The following CFAP161 variants were observed in gnomAD, a reference collection of about 807,000 sequenced individuals.
CFAP161 encodes cilia- and flagella-associated protein 161.
Under a neutral mutation model 29.0 loss-of-function variants are expected in CFAP161, and 25 were observed. The observed-to-expected ratio is 0.86, with a 90% confidence interval of 0.63 to 1.20. The LOEUF is 1.20. Ranked by LOEUF, CFAP161 falls within the 50% of genes most tolerant of loss-of-function variation. CFAP161 has a pLI of 0.00. For synonymous variants in CFAP161, 116 were observed against 137.4 expected, an observed-to-expected ratio of 0.84 and a Z score of 1.09; for missense variants, 367 against 371.9, an observed-to-expected ratio of 0.99 and a Z score of 0.11.
At chr15:81,139,292 G>A (rs1347496625) in intron 4 of CFAP161, among the ~76,000 whole-genome samples, 1 of 151,894 alleles carries the variant, frequency 6.6e-6, no homozygotes, top group African/African-American at 2.4e-5. Flanking sequence ...AAGAGACCCT[G>A]TGTCAAAAAA....
intron 4 of CFAP161, among the ~76,000 whole-genome samples, chr15:81,141,241 T>C (rs1289183282): frequency 6.6e-6 from 1 of 152,238 alleles, no homozygotes; most frequent in East Asian, 1.9e-4. Context: ...TTTCTTTACA[T>C]GGACTTGACA....
intron 6 of CFAP161, 136 bp from the exon 7 acceptor site, chr15:81,148,202 G>C (rs1372674591): frequency 1.1e-6 from 1 of 921,264 alleles, no homozygotes; most frequent in Non-Finnish European, 1.6e-6. Context: ...CTGCAAACAT[G>C]TCCCATTTTA....
chr15:81,117,818 C>T (rs1342757450), intron 1 of CFAP161: 3 of 329,862 alleles, frequency 9.1e-6, no homozygotes. Context: ...TCATCTTCCT[C>T]TTCATCCAAC....
At chr15:81,137,393 G>A (rs1169300312) in intron 3 of CFAP161, among the ~76,000 whole-genome samples, 2 of 152,054 alleles carry the variant, frequency 1.3e-5, no homozygotes, top group East Asian at 3.9e-4. Flanking sequence ...TCTGGAGTTC[G>A]AGACCAGCCT....
At chr15:81,135,890 G>C (rs1289581366) in intron 2 of CFAP161, among the ~76,000 whole-genome samples, 3 of 152,154 alleles carry the variant, frequency 2.0e-5, no homozygotes. Flanking sequence ...TCTAGAACTA[G>C]AAATACCATT....
chr15:81,122,692 A>G (rs982524110), intron 1 of CFAP161, among the ~76,000 whole-genome samples: 10 of 151,730 alleles, frequency 6.6e-5, no homozygotes, highest in East Asian at 3.9e-4. Context: ...GGGTTTCACT[A>G]TGTTGGCCAG....
At chr15:81,133,931 C>A (rs1595916315), upstream of CFAP161, among the ~76,000 whole-genome samples, 1 of 151,562 alleles carries the variant, frequency 6.6e-6, no homozygotes, top group East Asian at 1.9e-4. Flanking sequence ...CTGCTGATTA[C>A]AAAAAATAGG....
intron 1 of CFAP161, among the ~76,000 whole-genome samples, chr15:81,101,121 G>A (rs1392306909): frequency 1.3e-5 from 2 of 152,164 alleles, no homozygotes; most frequent in African/African-American, 4.8e-5. Context: ...TCCTGGCAAG[G>A]TTGGCAATGG....
At chr15:81,116,040 T>C (rs1894493636) in intron 1 of CFAP161, among the ~76,000 whole-genome samples, 1 of 152,156 alleles carries the variant, frequency 6.6e-6, no homozygotes, top group African/African-American at 2.4e-5. Flanking sequence ...TCTTATGTTG[T>C]AAACATAAGT....
At chr15:81,100,420 GTCTT>G (rs1894289869) in intron 1 of CFAP161, among the ~76,000 whole-genome samples, 1 of 151,790 alleles carries the variant, frequency 6.6e-6, no homozygotes, top group Non-Finnish European at 1.5e-5. Flanking sequence ...ACCTTAGAGT[GTCTT>G]TCTATTGCTT....
chr15:81,115,227 A>G (rs1487610699), intron 1 of CFAP161, among the ~76,000 whole-genome samples: 2 of 152,050 alleles, frequency 1.3e-5, no homozygotes, highest in Non-Finnish European at 2.9e-5. Context: ...TTTTTTTAGC[A>G]TTAGTGACTC....
At chr15:81,143,640 A>T (rs1485644679) in intron 4 of CFAP161, 22 bp from the exon 5 acceptor site, 1 of 1,603,712 alleles carries the variant, frequency 6.2e-7, no homozygotes, top group Non-Finnish European at 8.5e-7. Flanking sequence ...GACTTAGTGC[A>T]TCTGCTTGCT....
At chr15:81,136,467 T>C in intron 2 of CFAP161, 49 bp from the exon 3 acceptor site, 1 of 1,545,108 alleles carries the variant, frequency 6.5e-7, no homozygotes, top group Non-Finnish European at 8.9e-7. Flanking sequence ...TGGCAGTAAC[T>C]GTTGAGGAAT....
At chr15:81,114,912 C>T (rs1463698483) in intron 1 of CFAP161, among the ~76,000 whole-genome samples, 3 of 152,140 alleles carry the variant, frequency 2.0e-5, no homozygotes, top group African/African-American at 4.8e-5. Flanking sequence ...ATCCGCCCAC[C>T]TCGGCCTCCC....
intron 1 of CFAP161, among the ~76,000 whole-genome samples, chr15:81,111,956 A>T (rs1288392051): frequency 1.3e-5 from 2 of 152,244 alleles, no homozygotes; most frequent in Non-Finnish European, 2.9e-5. Context: ...AGTGCAGGCC[A>T]TTAATTCAAG....
At position 81,112,729 on chromosome 15, in the gene CFAP161, A is replaced by G. The variant is rs74028033; in HGVS notation, c.-141-14861A>G. On this transcript the variant is annotated intron_variant, in intron 1 of 4. Coordinates refer to the CFAP161 transcript ENST00000560091. ...AAATAACCGGCTAAATAACTAGAGG[A>G]CCACTGCTGAGAGTGTGTCATAATC... Among the ~76,000 whole-genome samples the G allele has an allele frequency of 5.6e-3, 848 of 152,318 alleles. 10 individuals carry two copies. Among genetic ancestry groups the G allele is most frequent in the African/African-American group, 0.019 (810 of 41,574 alleles).
chr15:81,119,406 A>G (rs1894541882), intron 1 of CFAP161, among the ~76,000 whole-genome samples: 1 of 152,164 alleles, frequency 6.6e-6, no homozygotes, highest in African/African-American at 2.4e-5. Flanking sequence ...ACTCATATTA[A>G]TAAGATAGCC....
chr15:81,119,428 G>A (rs1894542168), intron 1 of CFAP161, among the ~76,000 whole-genome samples: 1 of 151,756 alleles, frequency 6.6e-6, no homozygotes, highest in Admixed American at 6.6e-5. Flanking sequence ...CACAAATACA[G>A]CTTTAGAAAA....
At position 81,143,671 on chromosome 15, in the gene CFAP161, T is replaced by G; in HGVS notation, c.487T>G (p.Ser163Ala). ...GGFDNKMLYL[S>A]SDHRTLLKSS... The stretch of plus-strand genomic sequence containing the variant: ...TTGCTGTCATTTTCAGTTGTATTTG[T>G]CAAGTGACCACAGGACCCTCCTGAA... The change falls in exon 5 of 7, where the codon TCA (serine) becomes GCA (alanine). Residue 163 changes from serine (S) to alanine (A), a missense_variant. Physicochemically the swap from Ser to Ala is moderately conservative, Grantham distance 99. Coordinates refer to ENST00000286732, the MANE Select transcript of CFAP161 (RefSeq NM_173528.4). The G allele has an allele frequency of 6.2e-7, 1 of 1,611,626 alleles. No homozygotes were observed. The highest frequency in any genetic ancestry group is 8.5e-7 in the Non-Finnish European group (1 of 1,178,298).
Sources: allele counts gnomAD v4.1 joint callset (sites outside exome capture counted in the v4.1 genomes callset), GRCh38; gene constraint gnomAD v4.1.1; transcripts MANE v1.5; gene names NCBI Gene and HGNC (gene_info 2026-07-23, HGNC 2026-07-21).